The following UNC13C variants were observed in gnomAD, a reference collection of about 807,000 sequenced individuals.
UNC13C encodes the protein unc-13 homolog C.
A neutral mutation model predicts 245.4 loss-of-function variants in UNC13C; 174 were observed. The ratio of observed to expected loss-of-function variants is 0.71; its 90% CI spans 0.63 to 0.80. UNC13C has a LOEUF of 0.80. Among genes scored for constraint, UNC13C ranks in the 30% least tolerant of loss-of-function variants. The pLI is 0.00. For synonymous variants in UNC13C, 992 were observed against 895.1 expected (o/e 1.11, Z -1.93); for missense variants, 2,829 against 2,602.9 (o/e 1.09, Z -1.89).
At position 54,027,794 on chromosome 15, in the gene UNC13C, T is replaced by C. The variant is rs577643763; in HGVS notation, c.2983+11908T>C. ...AAAATTTGCACATTTCCTTTTTTTTTTTTTTTCTGGCTTTTCAGCATCTGA... is the reference window on the plus strand; with the variant it reads ...AAAATTTGCACATTTCCTTTTTTTTCTTTTTTCTGGCTTTTCAGCATCTGA... On this transcript the variant is annotated intron_variant, in intron 2 of 32. Coordinates refer to ENST00000260323, the MANE Select transcript of UNC13C (RefSeq NM_001080534.3). Among the ~76,000 whole-genome samples the C allele has an allele frequency of 3.9e-5, 6 of 152,002 alleles. No homozygotes were observed. The South Asian group carries it at 8.3e-4, about 21-fold the overall frequency.
chr15:53,905,404 A>ACACACACACACG, the UNC13C span, among the ~76,000 whole-genome samples: 2 of 148,266 alleles, frequency 1.3e-5, no homozygotes, highest in Non-Finnish European at 3.0e-5. Flanking sequence ...CTTTATACAC[A>ACACACACACACG]CACACACACA....
At position 54,273,381 on chromosome 15, in the gene UNC13C, C is replaced by T. The variant is rs60930621; in HGVS notation, c.3818+7885C>T. Among the ~76,000 whole-genome samples the T allele has an allele frequency of 6.4e-4, 97 of 152,216 alleles. 1 individual carries two copies. Among genetic ancestry groups the T allele is most frequent in the African/African-American group, 1.9e-3 (78 of 41,546 alleles). On this transcript the variant is annotated intron_variant, in intron 10 of 32. Coordinates refer to ENST00000260323, the MANE Select transcript of UNC13C (RefSeq NM_001080534.3). ...TCCTTTCCCCGCTTTTCCCTTTCCT[C>T]GCTTCTCTGCACACTGATCTGATTC...
At chr15:53,975,380 C>T (rs1893664444), upstream of UNC13C, among the ~76,000 whole-genome samples, 3 of 152,174 alleles carry the variant, frequency 2.0e-5, no homozygotes, top group South Asian at 6.2e-4. Context: ...ATCTGGACAA[C>T]TAATCCATTT....
At position 54,627,830 on chromosome 15, in the gene UNC13C, T is replaced by G. The variant is rs1311086185; in HGVS notation, c.*717T>G. Reference sequence around the variant, plus strand: ...AAATGGTAAGTTAATGCATTTGTCATATAGTGTTATGTCTTGGCTTTACCA... The same window carrying G: ...AAATGGTAAGTTAATGCATTTGTCAGATAGTGTTATGTCTTGGCTTTACCA... On this transcript the variant is annotated 3_prime_UTR_variant, in exon 33 of 33. Coordinates refer to ENST00000260323, the MANE Select transcript of UNC13C (RefSeq NM_001080534.3). 6.6e-6 allele frequency: 1 copy of G among 152,594 alleles called. No individual in the cohort carries two copies. Among genetic ancestry groups the G allele is most frequent in the African/African-American group, 2.4e-5 (1 of 41,446 alleles). The allele number at this position is 152,594 out of a possible 1,614,324, so 9.5% of individuals were successfully genotyped here.
At chr15:54,321,814 T>G in intron 13 of UNC13C, 125 bp from the exon 14 acceptor site, 1 of 969,946 alleles carries the variant, frequency 1.0e-6, no homozygotes, top group Non-Finnish European at 1.5e-6. Flanking sequence ...CAATTAGAGA[T>G]TGTGCAGTTT....
At chr15:54,382,224 T>G (rs575678459) in intron 17 of UNC13C, among the ~76,000 whole-genome samples, 1 of 152,232 alleles carries the variant, frequency 6.6e-6, no homozygotes, top group South Asian at 2.1e-4. Context: ...AAATATTAAT[T>G]TCTGCAGGAC....
At chr15:54,098,315 C>T (rs1184244223) in intron 2 of UNC13C, among the ~76,000 whole-genome samples, 4 of 152,160 alleles carry the variant, frequency 2.6e-5, no homozygotes, top group Non-Finnish European at 5.9e-5. Flanking sequence ...GCTGGGATTA[C>T]AGGCAAGTGC....
chr15:54,593,329 G>A lies in UNC13C; in HGVS notation c.6106+25382G>A, dbSNP rs796419882. 5.2e-5 allele frequency among the ~76,000 whole-genome samples: 5 copies of A among 96,802 alleles called. No individual in the cohort carries two copies. The South Asian group carries it at 1.2e-3, about 24-fold the overall frequency. 63.5% of individuals were successfully genotyped at this position (96,802 alleles called of 152,430 possible). ...GATGAATTTCCCAGGTGTTCTTTGT[G>A]CTTCTTGTATTTGCATCTGTCCAGG... On this transcript the variant is annotated intron_variant, in intron 30 of 32. Transcript: ENST00000260323.
chr15:53,985,224 T>C (rs1316693733), intron 1 of UNC13C, among the ~76,000 whole-genome samples: 1 of 152,076 alleles, frequency 6.6e-6, no homozygotes, highest in African/African-American at 2.4e-5. Context: ...TGTGTTATTT[T>C]GCTGAGAATG....
chr15:54,416,700 C>G (rs757699144), intron 19 of UNC13C, among the ~76,000 whole-genome samples: 1 of 152,042 alleles, frequency 6.6e-6, no homozygotes, highest in Non-Finnish European at 1.5e-5. Context: ...TACTCTGCAT[C>G]CCCCCACCCT....
intron 10 of UNC13C, among the ~76,000 whole-genome samples, chr15:54,279,990 AGATAGAAGGGTAAGCACATACGT>A (rs1471124927): frequency 6.6e-6 from 1 of 152,204 alleles, no homozygotes; most frequent in Non-Finnish European, 1.5e-5. Context: ...ACAGAGAAGC[AGATAGAAGGGTAAGCACATACGT>A]GTTTCTGGAT....
chr15:54,242,099 G>A (rs2035869241), intron 7 of UNC13C, among the ~76,000 whole-genome samples: 1 of 152,098 alleles, frequency 6.6e-6, no homozygotes. Flanking sequence ...GCATCATAAG[G>A]TAAAAATGAC....
At chr15:54,091,562 C>A (rs56094848) in intron 2 of UNC13C, among the ~76,000 whole-genome samples, 57 of 152,066 alleles carry the variant, frequency 3.7e-4, no homozygotes, top group African/African-American at 1.3e-3. Context: ...TTTTTATATG[C>A]TTTAAATTTA....
chr15:54,516,478 A>G (rs1451271725), intron 24 of UNC13C, among the ~76,000 whole-genome samples: 1 of 152,134 alleles, frequency 6.6e-6, no homozygotes, highest in African/African-American at 2.4e-5. Context: ...TCTGGGGACC[A>G]TGCATTGAGA....
chr15:53,848,546 G>C, the UNC13C span, among the ~76,000 whole-genome samples: 2,193 of 152,164 alleles, frequency 0.014, 31 homozygotes, highest in Non-Finnish European at 0.023. Flanking sequence ...TAAGCACATG[G>C]TGTCTACTGG....
chr15:54,175,343 C>G (rs188611469), intron 4 of UNC13C, among the ~76,000 whole-genome samples: 31 of 152,114 alleles, frequency 2.0e-4, no homozygotes, highest in African/African-American at 7.2e-4. Flanking sequence ...ACAAGAGGAG[C>G]AGAAGCCATG....
intron 22 of UNC13C, among the ~76,000 whole-genome samples, chr15:54,502,598 G>A (rs117348940): frequency 0.034 from 5,164 of 152,084 alleles, 174 homozygotes; most frequent in Admixed American, 0.11. Context: ...GCTGTGTTTG[G>A]GTGAATGCCA....
At chr15:53,851,361 A>G in the UNC13C span, among the ~76,000 whole-genome samples, 4 of 152,200 alleles carry the variant, frequency 2.6e-5, no homozygotes, top group African/African-American at 9.6e-5. Flanking sequence ...AAGCCCCTTC[A>G]GGTTAAAAGT....
rs759161303 is a variant in UNC13C, at chr15:54,567,826, C to T, written c.5985C>T (p.Gly1995=). ...AATACTTTCATGCAGGAGGAAATGG[C>T]CTGAAAAAGAATTTCTTGGAGAAAA... ...IKQYFHAGGN[G]LKKNFLEKSP... Residue 1995 remains glycine (G), a synonymous_variant, in exon 30 of 33, where the codon GGC becomes GGT. Transcript: ENST00000260323. 1.9e-6 allele frequency: 3 copies of T among 1,603,386 alleles called. No individual in the cohort carries two copies. The highest frequency in any genetic ancestry group is 1.7e-5 in the Admixed American group (1 of 58,844).
Sources: gnomAD v4.1 joint callset for allele counts (sites outside exome capture counted in the v4.1 genomes callset) on GRCh38, gnomAD v4.1.1 for gene constraint, MANE v1.5 for transcripts, NCBI Gene and HGNC (gene_info 2026-07-23, HGNC 2026-07-21) for gene names.